EFCAB6: variants seen among roughly 807,000 people sequenced by gnomAD.
The protein encoded by EFCAB6 is EF-hand calcium binding domain 6.
Under a neutral mutation model 169.8 loss-of-function variants are expected in EFCAB6, and 156 were observed. The observed-to-expected ratio is 0.92, with a 90% CI of 0.81 to 1.05. The LOEUF (loss-of-function observed/expected upper bound fraction) is 1.05, where lower values mean the gene tolerates loss of function less well. Ranked by LOEUF, EFCAB6 falls within the 50% of genes least tolerant of loss-of-function variation. EFCAB6 has a pLI of 0.00. For missense variants in EFCAB6, 1,800 were observed against 1,829.1 expected, an observed-to-expected ratio of 0.98 and a Z score of 0.29; for synonymous variants, 698 against 676.4, an observed-to-expected ratio of 1.03 and a Z score of -0.50.
At position 43,571,908 on chromosome 22, in the gene EFCAB6, C is replaced by G. The variant is rs533763559; in HGVS notation, c.3420+4389G>C. Among the ~76,000 whole-genome samples, 83 of 152,310 alleles carry G rather than the reference C, an allele frequency of 5.4e-4. 1 individual carries two copies. The highest frequency in any genetic ancestry group is 1.8e-3 in the African/African-American group (76 of 41,552). On this transcript the variant is annotated intron_variant, in intron 26 of 31. Transcript: ENST00000262726. ...GAAATCATTTGCTCAAGGATTTACT[C>G]GTCCTCCTGGTAAATGCATGCTTTT...
intron 28 of EFCAB6, 125 bp downstream of exon 28, chr22:43,540,002 C>G: frequency 2.8e-6 from 3 of 1,055,232 alleles, no homozygotes; most frequent in Non-Finnish European, 2.7e-6. Context: ...TGCCCCCACC[C>G]CAGACTCACC....
At chr22:43,635,342 C>A in intron 17 of EFCAB6, 126 bp from the exon 18 acceptor site, 1 of 698,492 alleles carries the variant, frequency 1.4e-6, no homozygotes, top group Non-Finnish European at 2.5e-6. Context: ...CTGACCCCAC[C>A]CACAGGCTGC....
rs2053087261 is a variant in EFCAB6, at chr22:43,608,588, T to C, written c.2575A>G (p.Thr859Ala). 1.9e-6 allele frequency: 3 copies of C among 1,614,054 alleles called. No individual in the cohort carries two copies. Among genetic ancestry groups the C allele is most frequent in the African/African-American group, 1.3e-5 (1 of 74,930 alleles). ...WSDLSKNFLE[T>A]DNEGNGILRR... Reference sequence around the variant, plus strand: ...AGAATGCCATTGCCCTCATTATCGGTTTCTAGAAAATTCTACAACATCAGA... The same window carrying C: ...AGAATGCCATTGCCCTCATTATCGGCTTCTAGAAAATTCTACAACATCAGA... Residue 859 changes from threonine (T) to alanine (A), a missense_variant, in exon 22 of 32, where the codon ACC (threonine) becomes GCC (alanine). Transcript: ENST00000262726.
intron 2 of EFCAB6, chr22:43,802,530 CAAAA>C (rs34477562): frequency 1.0e-5 from 3 of 299,700 alleles, no homozygotes; most frequent in South Asian, 6.0e-5. Context: ...GACTCTATCT[CAAAA>C]AAAAAAAAAG....
intron 10 of EFCAB6, among the ~76,000 whole-genome samples, chr22:43,701,505 T>C (rs991932367): frequency 2.0e-5 from 3 of 152,130 alleles, no homozygotes; most frequent in Non-Finnish European, 4.4e-5. Context: ...GAAATGCCCA[T>C]GTACAACAGA....
intron 2 of EFCAB6, among the ~76,000 whole-genome samples, chr22:43,799,494 ATGT>A (rs2062628248): frequency 6.6e-6 from 1 of 152,232 alleles, no homozygotes; most frequent in African/African-American, 2.4e-5. Context: ...AGTTAAATTG[ATGT>A]TGTACCAGTG....
At position 43,668,963 on chromosome 22, in the gene EFCAB6, G is replaced by A. The variant is rs1419785140; in HGVS notation, c.1723C>T (p.Pro575Ser). The A allele has an allele frequency of 6.2e-7, 1 of 1,613,406 alleles. No homozygotes were observed. Among genetic ancestry groups the A allele is most frequent in the Non-Finnish European group, 8.5e-7 (1 of 1,179,698 alleles). Residue 575 changes from proline to serine, a missense_variant, in exon 16 of 32, where the codon CCC becomes TCC. Physicochemically the swap from Pro to Ser is moderately conservative, Grantham distance 74. Transcript: ENST00000262726. ...LLACIGIDGP[P>S]TVSPVLVPKD... ...GGAACAAGAACTGGAGAGACAGTGG[G>A]TGGGCCATCAATTCCTATGCATGCC...
chr22:43,732,156 C>T (rs981308126), intron 7 of EFCAB6, among the ~76,000 whole-genome samples: 1 of 152,170 alleles, frequency 6.6e-6, no homozygotes, highest in Non-Finnish European at 1.5e-5. Flanking sequence ...CGGCAGCTGC[C>T]TCTCCACTCC....
rs1209464323 is a variant in EFCAB6 at position 43,537,918 on chromosome 22, G to A, written c.3880-373C>T. 2.6e-5 allele frequency among the ~76,000 whole-genome samples: 4 copies of A among 152,104 alleles called. No individual in the cohort carries two copies. The highest frequency in any genetic ancestry group is 1.5e-5 in the Non-Finnish European group (1 of 68,028). On this transcript the variant is annotated intron_variant, in intron 28 of 31. Transcript: ENST00000262726. This position sits in a 1 kb window ranked among gnomAD's most constrained non-coding sequence, Gnocchi z 4.3. ...CAAGAAAGGGATTTACTTGTCCTGG[G>A]CACAAGACATCCAATCCGTAAACAT...
chr22:43,605,532 A>G (rs2052853188), intron 22 of EFCAB6, among the ~76,000 whole-genome samples: 1 of 152,046 alleles, frequency 6.6e-6, no homozygotes, highest in African/African-American at 2.4e-5. Flanking sequence ...AATCCCAGCT[A>G]CTTGGGAGGC....
intron 26 of EFCAB6, among the ~76,000 whole-genome samples, chr22:43,560,165 C>T (rs2048945262): frequency 6.6e-6 from 1 of 152,110 alleles, no homozygotes; most frequent in Non-Finnish European, 1.5e-5. Context: ...AATCCTTTCT[C>T]AAGTTATAAA....
chr22:43,530,415 A>G, intron 31 of EFCAB6: 1 of 702,530 alleles, frequency 1.4e-6, no homozygotes, highest in Non-Finnish European at 1.8e-6. Flanking sequence ...GGCAGGGCTC[A>G]CTTTGCAGGC....
chr22:43,788,987 T>C (rs1280538866), intron 2 of EFCAB6, among the ~76,000 whole-genome samples: 1 of 152,158 alleles, frequency 6.6e-6, no homozygotes, highest in Non-Finnish European at 1.5e-5. Context: ...AACCACATAC[T>C]GTATCATTCC....
At chr22:43,615,971 C>T (rs778111919) in intron 20 of EFCAB6, 49 bp from the exon 21 acceptor site, 22 of 1,490,248 alleles carry the variant, frequency 1.5e-5, no homozygotes, top group Non-Finnish European at 1.9e-5. Flanking sequence ...TTAATGGGCT[C>T]ATTAATCTCC....
At position 43,555,076 on chromosome 22, in the gene EFCAB6, C is replaced by G; in HGVS notation, c.3441G>C (p.Glu1147Asp). ...TAGGCGGCGGGCCTTTGGGCATTTTCTCAGCCCACTCATCAGCTGTCTGGA... is the reference window on the plus strand; with the variant it reads ...TAGGCGGCGGGCCTTTGGGCATTTTGTCAGCCCACTCATCAGCTGTCTGGA... ...FLEETADEWA[E>D]KMPKGPPPTS... Residue 1147 changes from glutamate to aspartate, a missense_variant, in exon 27 of 32, where the codon GAG becomes GAC. Physicochemically the swap from Glu to Asp is conservative, Grantham distance 45. Coordinates refer to ENST00000262726, the MANE Select transcript of EFCAB6 (RefSeq NM_022785.4). 6.2e-7 allele frequency: 1 copy of G among 1,614,218 alleles called. No homozygotes were observed. Among genetic ancestry groups the G allele is most frequent in the Non-Finnish European group, 8.5e-7 (1 of 1,180,034 alleles).
chr22:43,683,067 AC>A (rs758799781), intron 12 of EFCAB6, among the ~76,000 whole-genome samples: 53 of 152,210 alleles, frequency 3.5e-4, no homozygotes, highest in Non-Finnish European at 5.6e-4. Context: ...GCTAAGGGAC[AC>A]CTTTGGCCTC....
At chr22:43,735,510 G>A (rs113178759) in intron 7 of EFCAB6, among the ~76,000 whole-genome samples, 1,883 of 138,014 alleles carry the variant, frequency 0.014, 20 homozygotes, top group Middle Eastern at 0.032. Flanking sequence ...AATCAACAGT[G>A]AACTAGAAAT....
chr22:43,612,353 A>G (rs1006774166), intron 21 of EFCAB6, among the ~76,000 whole-genome samples: 3 of 152,248 alleles, frequency 2.0e-5, no homozygotes, highest in African/African-American at 7.2e-5. Flanking sequence ...ATCAATAAAG[A>G]GACAACCTAC....
At chr22:43,571,438 A>C (rs539717283) in intron 26 of EFCAB6, among the ~76,000 whole-genome samples, 1 of 152,298 alleles carries the variant, frequency 6.6e-6, no homozygotes, top group South Asian at 2.1e-4. Flanking sequence ...GATGGGTGGT[A>C]TCATATTTAA....
Sources: allele counts gnomAD v4.1 joint callset (sites outside exome capture counted in the v4.1 genomes callset), GRCh38; gene constraint gnomAD v4.1.1; non-coding constraint Gnocchi (gnomAD v3.1); transcripts MANE v1.5; gene names NCBI Gene and HGNC (gene_info 2026-07-23, HGNC 2026-07-21).